The following SKI variants were observed in gnomAD, a reference collection of about 807,000 sequenced individuals.
SKI encodes SKI proto-oncogene.
In SKI, 23 loss-of-function variants were observed where a neutral mutation model predicts 59.3. That is an observed-to-expected ratio of 0.39 (90% CI 0.28 to 0.55). The LOEUF (loss-of-function observed/expected upper bound fraction) is 0.55. SKI is among the 20% of genes least tolerant of loss of function. The probability of loss-of-function intolerance (pLI) is 0.67; values close to 1 mark genes in which losing one functional copy is unlikely to be tolerated. For synonymous variants in SKI, 673 were observed against 488.6 expected (o/e 1.38, Z -4.98); for missense variants, 1,017 against 1,038.9 (o/e 0.98, Z 0.29).
Position 2,228,669 on chromosome 1 carries a change from G to T in SKI, c.-98G>T. 2 of 658,436 alleles carry T rather than the reference G, an allele frequency of 3.0e-6. No individual in the cohort carries two copies. The highest frequency in any genetic ancestry group is 3.7e-6 in the Non-Finnish European group (2 of 535,686). 40.8% of individuals were successfully genotyped at this position (658,436 alleles called of 1,614,324 possible). A position where few individuals can be genotyped will look rare whatever the true frequency, so the allele number is the denominator to read the frequency against. On this transcript the variant is annotated 5_prime_UTR_variant, in exon 1 of 7. Coordinates refer to ENST00000378536, the MANE Select transcript of SKI (RefSeq NM_003036.4). ...CCGGCGGCGGGGGGCGGCCGGGGTC[G>T]GGGCCGCGGGCGCCGCCGGGGCGCG... is the stretch of plus-strand genomic sequence containing the variant.
intron 1 of SKI, among the ~76,000 whole-genome samples, chr1:2,278,982 A>C (rs1327855147): frequency 6.6e-6 from 1 of 152,068 alleles, no homozygotes; most frequent in Non-Finnish European, 1.5e-5. Flanking sequence ...TGCCACCTTC[A>C]TCTCCCTCCC....
chr1:2,280,629 G>A (rs1378938327), intron 1 of SKI, among the ~76,000 whole-genome samples: 12 of 144,080 alleles, frequency 8.3e-5, no homozygotes, highest in Middle Eastern at 3.8e-3. Context: ...GACAGGCGGC[G>A]GCGGCGATCT....
intron 1 of SKI, among the ~76,000 whole-genome samples, chr1:2,241,480 T>C (rs1692585): frequency 0.34 from 51,233 of 151,814 alleles, 8,855 homozygotes; most frequent in Admixed American, 0.4. Flanking sequence ...GCAAGCTCTG[T>C]CTCCCGGGTT....
chr1:2,231,414 G>GGGC (rs1429362287), intron 1 of SKI, among the ~76,000 whole-genome samples: 3 of 152,200 alleles, frequency 2.0e-5, no homozygotes, highest in Admixed American at 6.5e-5. Flanking sequence ...CTGTCTTCCT[G>GGGC]GGCTTTGCTG....
chr1:2,287,069 G>A (rs1284925110), intron 1 of SKI, among the ~76,000 whole-genome samples: 2 of 152,182 alleles, frequency 1.3e-5, no homozygotes, highest in African/African-American at 2.4e-5. Context: ...TGGTCCAGCC[G>A]TGAGTGTCCA....
chr1:2,282,749 A>G (rs374123943), intron 1 of SKI, among the ~76,000 whole-genome samples: 1 of 151,968 alleles, frequency 6.6e-6, no homozygotes, highest in Admixed American at 6.5e-5. Context: ...CTCCCCGTCA[A>G]GGAGCGGTTT....
At chr1:2,248,382 C>T (rs1021874479) in intron 1 of SKI, among the ~76,000 whole-genome samples, 5 of 152,216 alleles carry the variant, frequency 3.3e-5, no homozygotes, top group African/African-American at 1.2e-4. Flanking sequence ...ACCCGCTCTG[C>T]TCTTTTGTCC....
chr1:2,235,569 C>T (rs556885728), intron 1 of SKI, among the ~76,000 whole-genome samples: 1 of 152,320 alleles, frequency 6.6e-6, no homozygotes, highest in East Asian at 1.9e-4. Flanking sequence ...CCAGAAGGGC[C>T]CCGCTTCCCA....
chr1:2,248,961 C>T (rs1477931871), intron 1 of SKI, among the ~76,000 whole-genome samples: 4 of 152,356 alleles, frequency 2.6e-5, no homozygotes, highest in South Asian at 2.1e-4. Flanking sequence ...TCAGGAGCCG[C>T]GTCTGGGCGC....
intron 1 of SKI, among the ~76,000 whole-genome samples, chr1:2,230,245 G>A (rs1054658918): frequency 6.6e-6 from 1 of 152,220 alleles, no homozygotes; most frequent in Admixed American, 6.5e-5. Context: ...GTGAGGCGAG[G>A]CCTGGTTTTG....
At chr1:2,254,616 G>A (rs1294579790) in intron 1 of SKI, among the ~76,000 whole-genome samples, 1 of 152,220 alleles carries the variant, frequency 6.6e-6, no homozygotes, top group Non-Finnish European at 1.5e-5. Context: ...TAGACTTGTG[G>A]CCGTCACCAC....
Position 2,269,345 on chromosome 1 carries a change from G to T in SKI, c.970-33633G>T, listed in dbSNP as rs1256320886. Among the ~76,000 whole-genome samples, 1 of 152,240 alleles carries T rather than the reference G, an allele frequency of 6.6e-6. No individual in the cohort carries two copies. Among genetic ancestry groups the T allele is most frequent in the African/African-American group, 2.4e-5 (1 of 41,462 alleles). The stretch of plus-strand genomic sequence containing the variant: ...GTGACTAAGGGGCTGTTAGGACAGA[G>T]ACAGTGGGTTTTGCAGTGATGTGAG... On this transcript the variant is annotated intron_variant, in intron 1 of 6. Transcript: ENST00000378536. The surrounding 1 kb of genome is among the most constrained non-coding windows in gnomAD (Gnocchi z 4.7).
At chr1:2,247,355 C>T (rs1639021966) in intron 1 of SKI, among the ~76,000 whole-genome samples, 1 of 152,218 alleles carries the variant, frequency 6.6e-6, no homozygotes, top group African/African-American at 2.4e-5. Flanking sequence ...CGAGAGGACC[C>T]CAGACTCCCA....
intron 1 of SKI, among the ~76,000 whole-genome samples, chr1:2,271,489 TGGCGATTAAGCG>T (rs1639618141): frequency 6.6e-6 from 1 of 152,156 alleles, no homozygotes; most frequent in Non-Finnish European, 1.5e-5. Context: ...GCCTCCAGCG[TGGCGATTAAGCG>T]CTCAGATGCT....
chr1:2,247,768 A>G (rs1557818394), intron 1 of SKI, among the ~76,000 whole-genome samples: 3 of 152,176 alleles, frequency 2.0e-5, no homozygotes, highest in Admixed American at 6.5e-5. Flanking sequence ...CCTGGGCCCC[A>G]CAGGTGCCCT....
Position 2,303,463 on chromosome 1 carries a change from G to A in SKI, c.1211+63G>A. Reference sequence around the variant, plus strand: ...GGGAGGCTCCACGAGGGCTGTGCATGCGGACGCGCCCATGTTTCTGCAGGC... The same window carrying A: ...GGGAGGCTCCACGAGGGCTGTGCATACGGACGCGCCCATGTTTCTGCAGGC... On this transcript the variant is annotated intron_variant, in intron 3 of 6. Coordinates refer to ENST00000378536, the MANE Select transcript of SKI (RefSeq NM_003036.4). The surrounding 1 kb of genome is among the most constrained non-coding windows in gnomAD (Gnocchi z 5.6). 7.0e-7 allele frequency: 1 copy of A among 1,435,208 alleles called. No homozygotes were observed. Among genetic ancestry groups the A allele is most frequent in the Non-Finnish European group, 9.7e-7 (1 of 1,027,356 alleles). 88.9% of individuals were successfully genotyped at this position (1,435,208 alleles called of 1,614,324 possible). A position where few individuals can be genotyped will look rare whatever the true frequency, so the allele number is the denominator to read the frequency against.
At chr1:2,295,507 C>T (rs772997962) in intron 1 of SKI, among the ~76,000 whole-genome samples, 85 of 152,198 alleles carry the variant, frequency 5.6e-4, no homozygotes, top group Non-Finnish European at 6.2e-4. Flanking sequence ...TTTGTCACCC[C>T]CAACAAGAAG....
At chr1:2,304,817 C>T (rs1015263702) in intron 5 of SKI, among the ~76,000 whole-genome samples, 1 of 152,234 alleles carries the variant, frequency 6.6e-6, no homozygotes, top group African/African-American at 2.4e-5. Flanking sequence ...TCCCAGGAGG[C>T]CACTACATTT....
chr1:2,242,654 G>C (rs1287020644), intron 1 of SKI, among the ~76,000 whole-genome samples: 1 of 152,040 alleles, frequency 6.6e-6, no homozygotes, highest in African/African-American at 2.4e-5. Context: ...TGAGTAGCCG[G>C]GACTGTAGGT....
Sources: allele counts gnomAD v4.1 joint callset (sites outside exome capture counted in the v4.1 genomes callset), GRCh38; gene constraint gnomAD v4.1.1; non-coding constraint Gnocchi (gnomAD v3.1); transcripts MANE v1.5; gene names NCBI Gene and HGNC (gene_info 2026-07-23, HGNC 2026-07-21).